Variants in COL21A1 observed in about 807,000 individuals in gnomAD.
COL21A1 encodes the protein collagen type XXI alpha 1 chain, also known as collagen alpha-1(XXI) chain.
Under a neutral mutation model 137.9 loss-of-function variants are expected in COL21A1, and 149 were observed. That is an observed-to-expected ratio of 1.08 (90% CI 0.95 to 1.24). The LOEUF is 1.24. Ranked by LOEUF, COL21A1 falls within the 50% of genes most tolerant of loss-of-function variation. The pLI, the probability that COL21A1 is intolerant of heterozygous loss-of-function variation, is 0.00. For synonymous variants in COL21A1, 456 were observed against 391.5 expected, an observed-to-expected ratio of 1.16 and a Z score of -1.95; for missense variants, 1,167 against 1,158.4, an observed-to-expected ratio of 1.01 and a Z score of -0.11.
intron 12 of COL21A1, 59 bp from the exon 13 acceptor site, chr6:56,126,208 T>A: frequency 1.8e-6 from 2 of 1,088,870 alleles, no homozygotes; most frequent in Non-Finnish European, 2.7e-6. Context: ...AACAATATCA[T>A]CATCTATTCT....
At chr6:56,164,903 CCA>C (rs1776456499) in intron 7 of COL21A1, 81 bp from the exon 8 acceptor site, 2 of 1,089,712 alleles carry the variant, frequency 1.8e-6, no homozygotes, top group African/African-American at 3.2e-5. Flanking sequence ...AGATATTTCA[CCA>C]TCCAGATTAG....
chr6:56,145,182 T>C (rs1774738917), intron 10 of COL21A1, among the ~76,000 whole-genome samples: 1 of 152,200 alleles, frequency 6.6e-6, no homozygotes, highest in Admixed American at 6.5e-5. Flanking sequence ...ATGCTAAACA[T>C]GCAAACATGG....
At chr6:56,229,210 G>GT (rs1781394070) in intron 1 of COL21A1, among the ~76,000 whole-genome samples, 1 of 151,722 alleles carries the variant, frequency 6.6e-6, no homozygotes, top group South Asian at 2.1e-4. Flanking sequence ...GAGAAACCCT[G>GT]TCTCTACAAA....
chr6:56,241,248 G>A (rs1782302603), intron 1 of COL21A1, among the ~76,000 whole-genome samples: 1 of 152,096 alleles, frequency 6.6e-6, no homozygotes, highest in African/African-American at 2.4e-5. Flanking sequence ...CAGAGAGCTT[G>A]TTTTCTTTCT....
chr6:56,102,011 C>A (rs1300205136), intron 16 of COL21A1, among the ~76,000 whole-genome samples: 2 of 151,930 alleles, frequency 1.3e-5, no homozygotes, highest in African/African-American at 4.8e-5. Flanking sequence ...TTAGTATATA[C>A]GTATTTAAAA....
Position 56,304,659 on chromosome 6 carries a change from G to T in COL21A1, c.-39+89312C>A, listed in dbSNP as rs193026590. ...TTAGTCTTGCTAGCAGTCTATCAAT[G>T]TTGTTGATCTTTTCAAAAAACCAGC... On this transcript the variant is annotated intron_variant, in intron 1 of 28. Transcript: ENST00000370819. 7.9e-3 allele frequency among the ~76,000 whole-genome samples: 1,183 copies of T among 150,036 alleles called. 9 individuals are homozygous for T. Among genetic ancestry groups the T allele is most frequent in the Middle Eastern group, 0.021 (6 of 292 alleles).
intron 10 of COL21A1, among the ~76,000 whole-genome samples, chr6:56,147,069 A>C (rs1039738445): frequency 6.6e-6 from 1 of 152,162 alleles, no homozygotes; most frequent in Non-Finnish European, 1.5e-5. Context: ...TATTCCCTGA[A>C]TTAGGTTACA....
At chr6:56,376,600 G>A (rs1203064280) in intron 1 of COL21A1, among the ~76,000 whole-genome samples, 1 of 151,960 alleles carries the variant, frequency 6.6e-6, no homozygotes, top group Non-Finnish European at 1.5e-5. Context: ...TCTATAAGGG[G>A]GAAAAGTAAG....
intron 1 of COL21A1, among the ~76,000 whole-genome samples, chr6:56,284,290 G>T (rs1400075237): frequency 6.6e-6 from 1 of 152,172 alleles, no homozygotes; most frequent in East Asian, 1.9e-4. Context: ...CTGAGCTCAA[G>T]TGATCCACCT....
chr6:56,380,839 T>C (rs971092670), intron 1 of COL21A1, among the ~76,000 whole-genome samples: 6 of 152,230 alleles, frequency 3.9e-5, no homozygotes, highest in African/African-American at 1.2e-4. Context: ...TAAGCTTCTT[T>C]AATGCATGAG....
intron 16 of COL21A1, among the ~76,000 whole-genome samples, chr6:56,110,517 T>C (rs1582382414): frequency 6.6e-6 from 1 of 151,998 alleles, no homozygotes; most frequent in Middle Eastern, 3.4e-3. Context: ...TAAATAAATT[T>C]CATATAAATT....
In COL21A1 at chr6:56,164,472, G is replaced by A; in HGVS notation, c.1322C>T (p.Pro441Leu). 1 of 1,589,996 alleles carries A rather than the reference G, an allele frequency of 6.3e-7. No individual in the cohort carries two copies. The highest frequency in any genetic ancestry group is 8.6e-7 in the Non-Finnish European group (1 of 1,167,168). The change falls in exon 9 of 30, where the codon CCA becomes CTA. Residue 441 changes from proline (P) to leucine (L), a missense_variant. Physicochemically the swap from Pro to Leu is moderately conservative, Grantham distance 98. Coordinates refer to ENST00000244728, the MANE Select transcript of COL21A1 (RefSeq NM_030820.4). Reference protein sequence around the residue: ...LNGPSDVGSTPAPCICPPGKP... With the variant: ...LNGPSDVGSTLAPCICPPGKP... ...TCCCGGAGGACAAATACAGGGAGCT[G>A]GAGTTGAACCTACATCACTGGGACC...
rs558335126 is a variant in COL21A1 at position 56,247,576 on chromosome 6, CT to C, written c.-229del. On this transcript the variant is annotated 5_prime_UTR_variant, in exon 1 of 30. Transcript: ENST00000244728. ...CAGAGCTCAGAGGCTCAGAAACTCG[CT>C]CTCAGCCCCCTGGAGGCGGAGCCCG... is the stretch of plus-strand genomic sequence containing the variant. The C allele has an allele frequency of 1.8e-3, 279 of 152,406 alleles. No homozygotes were observed. The highest frequency in any genetic ancestry group is 6.4e-3 in the African/African-American group (268 of 41,574). The allele number at this position is 152,406 out of a possible 1,614,324, so 9.4% of individuals were successfully genotyped here.
chr6:56,390,332 A>G (rs1581803765), intron 1 of COL21A1, among the ~76,000 whole-genome samples: 2 of 152,318 alleles, frequency 1.3e-5, no homozygotes, highest in African/African-American at 4.8e-5. Flanking sequence ...AAAACATATA[A>G]CAGAGACACA....
At chr6:56,117,533 T>C (rs1219410148) in intron 16 of COL21A1, among the ~76,000 whole-genome samples, 1 of 151,980 alleles carries the variant, frequency 6.6e-6, no homozygotes, top group Admixed American at 6.6e-5. Context: ...ATTTTCCAGA[T>C]AGAAAATCAA....
At position 56,203,827 on chromosome 6, in the gene COL21A1, C is replaced by T. The variant is rs574467339; in HGVS notation, c.-38-21171G>A. ...GCAGCCCACAGAGGGCGAGCTGAAG[C>T]AGGGTGGGGCATCACCTCAGCTGGG... On this transcript the variant is annotated intron_variant, in intron 1 of 29. Coordinates refer to ENST00000244728, the MANE Select transcript of COL21A1 (RefSeq NM_030820.4). 3.9e-5 allele frequency among the ~76,000 whole-genome samples: 6 copies of T among 152,160 alleles called. No individual in the cohort carries two copies. The East Asian group carries it at 9.6e-4, about 24-fold the overall frequency.
At chr6:56,183,872 A>G (rs1374277315) in intron 1 of COL21A1, among the ~76,000 whole-genome samples, 1 of 152,192 alleles carries the variant, frequency 6.6e-6, no homozygotes, top group Non-Finnish European at 1.5e-5. Flanking sequence ...AAAAGATACA[A>G]AGAAAAATGC....
chr6:56,312,511 T>A (rs1221451070), intron 1 of COL21A1, among the ~76,000 whole-genome samples: 2 of 152,132 alleles, frequency 1.3e-5, no homozygotes, highest in Non-Finnish European at 2.9e-5. Flanking sequence ...AACTGTAAGT[T>A]CAGATACTTA....
chr6:56,105,295 A>AAAT lies in COL21A1; in HGVS notation c.1759-3773_1759-3771dup, dbSNP rs375162840. On this transcript the variant is annotated intron_variant, in intron 16 of 29. Coordinates refer to ENST00000244728, the MANE Select transcript of COL21A1 (RefSeq NM_030820.4). ...CATAGATTTGTTTTTTAGGAAAATA[A>AAAT]AATAAGAGCCTTTGTGAAAATGCCT... Among the ~76,000 whole-genome samples, 552 of 152,326 alleles carry AAAT rather than the reference A, an allele frequency of 3.6e-3. 7 individuals carry two copies. Among genetic ancestry groups the AAAT allele is most frequent in the African/African-American group, 0.013 (525 of 41,574 alleles).
Sources: allele counts gnomAD v4.1 joint callset (sites outside exome capture counted in the v4.1 genomes callset), GRCh38; gene constraint gnomAD v4.1.1; transcripts MANE v1.5; gene names NCBI Gene and HGNC (gene_info 2026-07-23, HGNC 2026-07-21).